Variants in APBA1 observed in about 807,000 individuals in gnomAD.
APBA1 encodes amyloid beta precursor protein binding family A member 1, also known as amyloid-beta A4 precursor protein-binding family A member 1.
APBA1 carries 55 observed loss-of-function variants against 86.6 expected under a neutral mutation model. That is an observed-to-expected ratio of 0.64 (90% CI 0.51 to 0.80). The LOEUF (loss-of-function observed/expected upper bound fraction) is 0.80. APBA1 is among the 30% of genes least tolerant of loss of function. The pLI is 0.00. For synonymous variants in APBA1, 511 were observed against 493.9 expected (o/e 1.03, Z -0.46); for missense variants, 1,090 against 1,183.0 (o/e 0.92, Z 1.15).
chr9:69,572,686 C>T (rs12552437), intron 1 of APBA1, among the ~76,000 whole-genome samples: 2 of 152,124 alleles, frequency 1.3e-5, no homozygotes, highest in Admixed American at 1.3e-4. Context: ...TGAGCATTTG[C>T]CACATTTTGT....
chr9:69,600,540 C>T (rs1179691417), intron 1 of APBA1, among the ~76,000 whole-genome samples: 1 of 152,142 alleles, frequency 6.6e-6, no homozygotes, highest in Non-Finnish European at 1.5e-5. Context: ...TGGTGGCTCA[C>T]ATCTGTAACC....
At chr9:69,467,131 A>G (rs1465679153) in intron 5 of APBA1, among the ~76,000 whole-genome samples, 1 of 152,200 alleles carries the variant, frequency 6.6e-6, no homozygotes, top group Non-Finnish European at 1.5e-5. Context: ...TGGAGATTCT[A>G]GAGCTCTGTG....
At chr9:69,439,397 C>T (rs28807722) in intron 11 of APBA1, among the ~76,000 whole-genome samples, 40 of 151,120 alleles carry the variant, frequency 2.6e-4, no homozygotes, top group African/African-American at 5.9e-4. Flanking sequence ...CCATTCTCCC[C>T]GTCACTTTCA....
intron 8 of APBA1, among the ~76,000 whole-genome samples, chr9:69,453,970 A>C (rs1341498780): frequency 2.0e-5 from 3 of 152,222 alleles, no homozygotes; most frequent in African/African-American, 7.2e-5. Flanking sequence ...CTTCCTGAGA[A>C]GGGGCTGGGG....
intron 1 of APBA1, among the ~76,000 whole-genome samples, chr9:69,609,116 T>G (rs953702381): frequency 6.6e-6 from 1 of 152,210 alleles, no homozygotes; most frequent in Non-Finnish European, 1.5e-5. Flanking sequence ...GATTTTTAAA[T>G]GCTCACACTG....
At chr9:69,466,958 T>C (rs1192191562) in intron 5 of APBA1, among the ~76,000 whole-genome samples, 1 of 152,226 alleles carries the variant, frequency 6.6e-6, no homozygotes, top group Non-Finnish European at 1.5e-5. Context: ...TCTACCATGA[T>C]GCTGTCCCTA....
intron 1 of APBA1, among the ~76,000 whole-genome samples, chr9:69,537,331 C>T (rs571759049): frequency 9.2e-5 from 14 of 152,120 alleles, no homozygotes; most frequent in East Asian, 3.9e-4. Context: ...AACTGTCTTA[C>T]GAATACTTCA....
At chr9:69,527,276 C>G (rs1027072682) in intron 1 of APBA1, among the ~76,000 whole-genome samples, 1 of 151,902 alleles carries the variant, frequency 6.6e-6, no homozygotes, top group Admixed American at 6.6e-5. Context: ...ATGACTTGAA[C>G]ACATGGTACA....
intron 1 of APBA1, among the ~76,000 whole-genome samples, chr9:69,663,636 T>G (rs1823792958): frequency 6.6e-6 from 1 of 152,240 alleles, no homozygotes; most frequent in South Asian, 2.1e-4. Flanking sequence ...GATTACATTA[T>G]TTGGAATGGT....
At chr9:69,568,786 C>T (rs1286594440) in intron 1 of APBA1, among the ~76,000 whole-genome samples, 4 of 152,144 alleles carry the variant, frequency 2.6e-5, no homozygotes, top group African/African-American at 9.7e-5. Context: ...CAAACTGTGA[C>T]ATTAATGGTA....
chr9:69,470,326 T>C (rs535868980), intron 4 of APBA1, among the ~76,000 whole-genome samples: 36 of 152,292 alleles, frequency 2.4e-4, no homozygotes, highest in African/African-American at 8.7e-4. Context: ...CTTTTGGCCT[T>C]TCGGAACATG....
intron 1 of APBA1, among the ~76,000 whole-genome samples, chr9:69,655,348 C>G (rs1284368654): frequency 6.6e-6 from 1 of 150,970 alleles, no homozygotes; most frequent in Admixed American, 6.6e-5. Context: ...TCTCAAAGAT[C>G]TCCCCAAAAA....
At chr9:69,451,443 G>GC (rs1351929433) in intron 9 of APBA1, among the ~76,000 whole-genome samples, 1 of 152,166 alleles carries the variant, frequency 6.6e-6, no homozygotes, top group South Asian at 2.1e-4. Flanking sequence ...AGCTGGACTT[G>GC]CAGGCCCTCC....
At chr9:69,457,256 C>A in intron 6 of APBA1, 117 bp from the exon 7 acceptor site, 1 of 747,052 alleles carries the variant, frequency 1.3e-6, no homozygotes, top group South Asian at 1.6e-5. Context: ...AACAGCAATA[C>A]AGACTCTAGG....
chr9:69,655,819 A>G (rs774399935), intron 1 of APBA1, among the ~76,000 whole-genome samples: 1 of 152,214 alleles, frequency 6.6e-6, no homozygotes, highest in African/African-American at 2.4e-5. Context: ...AGGAGGAATA[A>G]GTTCTGTTAC....
intron 1 of APBA1, among the ~76,000 whole-genome samples, chr9:69,628,494 G>C (rs1426978027): frequency 6.6e-6 from 1 of 152,188 alleles, no homozygotes; most frequent in Non-Finnish European, 1.5e-5. Flanking sequence ...TCTATGTCTG[G>C]CTGGAGAGTT....
intron 1 of APBA1, among the ~76,000 whole-genome samples, chr9:69,625,484 G>A (rs1413503546): frequency 1.3e-5 from 2 of 152,122 alleles, no homozygotes; most frequent in African/African-American, 2.4e-5. Flanking sequence ...CTTGTCCCTA[G>A]AACTGTTCCT....
At chr9:69,584,572 G>A (rs1266743506) in intron 1 of APBA1, among the ~76,000 whole-genome samples, 2 of 152,184 alleles carry the variant, frequency 1.3e-5, no homozygotes, top group African/African-American at 4.8e-5. Flanking sequence ...ATGGGAAGAA[G>A]AATCATGCCA....
intron 1 of APBA1, among the ~76,000 whole-genome samples, chr9:69,601,029 A>G (rs1026217141): frequency 2.0e-5 from 3 of 152,000 alleles, no homozygotes; most frequent in Non-Finnish European, 4.4e-5. Flanking sequence ...TCCCTAGTAT[A>G]ATTTTAGAAT....
Sources: allele counts gnomAD v4.1 joint callset (sites outside exome capture counted in the v4.1 genomes callset), GRCh38; gene constraint gnomAD v4.1.1; transcripts MANE v1.5; gene names NCBI Gene and HGNC (gene_info 2026-07-23, HGNC 2026-07-21).